Variants in USP12 observed in about 807,000 individuals in gnomAD.
USP12 encodes ubiquitin carboxyl-terminal hydrolase 12.
USP12 carries 19 observed loss-of-function variants against 45.5 expected under a neutral mutation model. That is an observed-to-expected ratio of 0.42 (90% confidence interval 0.29 to 0.61). USP12 has a LOEUF of 0.61. USP12 is among the 20% of genes least tolerant of loss of function. The pLI is 0.22. For synonymous variants in USP12, 149 were observed against 148.8 expected, an observed-to-expected ratio of 1.00 and a Z score of -0.01; for missense variants, 242 against 447.7, an observed-to-expected ratio of 0.54 and a Z score of 4.15.
At chr13:27,138,395 T>G (rs961357361) in intron 1 of USP12, among the ~76,000 whole-genome samples, 1 of 152,160 alleles carries the variant, frequency 6.6e-6, no homozygotes, top group Non-Finnish European at 1.5e-5. Flanking sequence ...GATGGTAAAT[T>G]TATGAACAGA....
rs1872996450 is a variant in USP12, at chr13:27,066,443, A to C, written c.*2840T>G. 1 of 152,210 alleles carries C rather than the reference A, an allele frequency of 6.6e-6. No homozygotes were observed. The highest frequency in any genetic ancestry group is 1.5e-5 in the Non-Finnish European group (1 of 68,054). 9.4% of individuals were successfully genotyped at this position (152,210 alleles called of 1,614,324 possible). A position where few individuals can be genotyped will look rare whatever the true frequency, so the allele number is the denominator to read the frequency against. ...AATCTTTAATAAAAAGTGTTTTTAA[A>C]GAAAGTATCAAGAGTAGTTATGTTA... On this transcript the variant is annotated 3_prime_UTR_variant, in exon 9 of 9. Coordinates refer to ENST00000282344, the MANE Select transcript of USP12 (RefSeq NM_182488.4).
intron 1 of USP12, among the ~76,000 whole-genome samples, chr13:27,158,257 A>G (rs1877928803): frequency 6.6e-6 from 1 of 152,166 alleles, no homozygotes; most frequent in Non-Finnish European, 1.5e-5. Flanking sequence ...TGCCATGTGA[A>G]AAGATTGGAA....
intron 6 of USP12, among the ~76,000 whole-genome samples, chr13:27,084,206 ACACACACACAC>A (rs1873899141): frequency 6.6e-6 from 1 of 151,020 alleles, no homozygotes; most frequent in East Asian, 2.0e-4. Flanking sequence ...ACACACACAC[ACACACACACAC>A]AAATTCCTGT....
chr13:27,082,961 G>A (rs982287213), intron 6 of USP12, among the ~76,000 whole-genome samples: 14 of 152,104 alleles, frequency 9.2e-5, no homozygotes, highest in African/African-American at 9.7e-5. Flanking sequence ...TCAGCCTCCC[G>A]AGTTGCTGGG....
At chr13:27,139,591 G>A (rs980662477) in intron 1 of USP12, among the ~76,000 whole-genome samples, 1 of 152,132 alleles carries the variant, frequency 6.6e-6, no homozygotes, top group Non-Finnish European at 1.5e-5. Flanking sequence ...ACTCCAGCCT[G>A]GGAGAAAGAG....
intron 7 of USP12, among the ~76,000 whole-genome samples, chr13:27,073,259 G>C (rs886160678): frequency 6.6e-6 from 1 of 152,200 alleles, no homozygotes; most frequent in African/African-American, 2.4e-5. Context: ...ACTCCATCAG[G>C]AGAGAGTTCC....
chr13:27,119,060 T>C (rs535947), intron 1 of USP12, among the ~76,000 whole-genome samples: 15,353 of 152,242 alleles, frequency 0.1, 1,305 homozygotes, highest in African/African-American at 0.23. Context: ...AACAGAATTT[T>C]AACTTTTCTA....
chr13:27,133,885 C>G (rs2137813506), intron 1 of USP12, among the ~76,000 whole-genome samples: 1 of 152,144 alleles, frequency 6.6e-6, no homozygotes, highest in East Asian at 1.9e-4. Flanking sequence ...TAATCCCAAC[C>G]CTTTGGGAGG....
chr13:27,171,615 T>A lies in USP12; in HGVS notation c.25A>T (p.Lys9Ter). 7.7e-7 allele frequency: 1 copy of A among 1,297,232 alleles called. No individual in the cohort carries two copies. Among genetic ancestry groups the A allele is most frequent in the Non-Finnish European group, 1.0e-6 (1 of 990,526 alleles). 80.4% of individuals were successfully genotyped at this position (1,297,232 alleles called of 1,614,324 possible). Residue 9 changes from lysine (K) to a stop codon, truncating the protein, a stop_gained, in exon 1 of 9, where the codon AAA becomes TAA. Coordinates refer to ENST00000282344, the MANE Select transcript of USP12 (RefSeq NM_182488.4). LOFTEE classifies it high-confidence loss of function. MEILMTVS[K>*]FASICTMGAN... The stretch of plus-strand genomic sequence containing the variant: ...ACCATGGTACAGATGGAGGCGAATT[T>A]GGAGACTGTCATTAGGATTTCCATC...
At chr13:27,070,949 A>AATTG (rs1873221980) in intron 8 of USP12, 122 bp downstream of exon 8, 1 of 802,974 alleles carries the variant, frequency 1.2e-6, no homozygotes, top group Non-Finnish European at 1.9e-6. Flanking sequence ...ACTACAATCT[A>AATTG]TAGACCCAGA....
Position 27,163,745 on chromosome 13 carries a change from G to A in USP12, c.48+7847C>T, listed in dbSNP as rs564718967. Among the ~76,000 whole-genome samples, 21 of 130,198 alleles carry A rather than the reference G, an allele frequency of 1.6e-4. No homozygotes were observed. In the Admixed American group the frequency reaches 1.8e-3, roughly 11 times the overall value. The allele number at this position is 130,198 out of a possible 152,430, so 85.4% of individuals were successfully genotyped here. On this transcript the variant is annotated intron_variant, in intron 1 of 8. Coordinates refer to ENST00000282344, the MANE Select transcript of USP12 (RefSeq NM_182488.4). Reference sequence around the variant, plus strand: ...ATGGTTTAAATGTAGGAGACAGCCTGAGCAATAGAGCAAGACCTGTCTTAA... The same window carrying A: ...ATGGTTTAAATGTAGGAGACAGCCTAAGCAATAGAGCAAGACCTGTCTTAA...
At chr13:27,115,058 T>G (rs7997088) in intron 2 of USP12, among the ~76,000 whole-genome samples, 1 of 152,210 alleles carries the variant, frequency 6.6e-6, no homozygotes, top group Admixed American at 6.5e-5. Flanking sequence ...CCTTTAATAG[T>G]TGGAGCTGTG....
At position 27,156,579 on chromosome 13, in the gene USP12, A is replaced by G. The variant is rs1877853621; in HGVS notation, c.48+15013T>C. ...ACGCCTGTAATCCCAGCACTTTGGG[A>G]AGCCAAGACAGGCGGATCACCTGAG... On this transcript the variant is annotated intron_variant, in intron 1 of 8. Coordinates refer to ENST00000282344, the MANE Select transcript of USP12 (RefSeq NM_182488.4). 2.6e-5 allele frequency among the ~76,000 whole-genome samples: 4 copies of G among 152,354 alleles called. 1 individual carries two copies. The highest frequency in any genetic ancestry group is 3.4e-3 in the Middle Eastern group (1 of 294).
chr13:27,099,808 G>C (rs1279396952), intron 3 of USP12, among the ~76,000 whole-genome samples: 2 of 152,140 alleles, frequency 1.3e-5, no homozygotes, highest in Non-Finnish European at 2.9e-5. Flanking sequence ...TCACTTCTCT[G>C]CTGTAAGTTT....
intron 6 of USP12, among the ~76,000 whole-genome samples, chr13:27,085,182 T>A (rs2137764889): frequency 6.6e-6 from 1 of 150,724 alleles, no homozygotes; most frequent in East Asian, 1.9e-4. Flanking sequence ...CTTTCTTTCT[T>A]TTTTTTTTGA....
chr13:27,125,863 A>C (rs1048888173), intron 1 of USP12, among the ~76,000 whole-genome samples: 1 of 152,196 alleles, frequency 6.6e-6, no homozygotes, highest in Non-Finnish European at 1.5e-5. Flanking sequence ...CTAGCACAGC[A>C]GTTTGAGATT....
At chr13:27,158,076 T>A (rs768828938) in intron 1 of USP12, among the ~76,000 whole-genome samples, 4 of 152,208 alleles carry the variant, frequency 2.6e-5, no homozygotes, top group Non-Finnish European at 5.9e-5. Flanking sequence ...TAAGCCCCAA[T>A]ATCTCAGAAT....
At position 27,069,522 on chromosome 13, in the gene USP12, A is replaced by C. The variant is rs980984679; in HGVS notation, c.1012-138T>G. 6.1e-6 allele frequency: 4 copies of C among 658,228 alleles called. No homozygotes were observed. In the African/African-American group the frequency reaches 7.3e-5, roughly 12 times the overall value. The allele number at this position is 658,228 out of a possible 1,614,324, so 40.8% of individuals were successfully genotyped here. A position where few individuals can be genotyped will look rare whatever the true frequency, so the allele number is the denominator to read the frequency against. Reference sequence around the variant, plus strand: ...AACTCTCACACACAGCTGGCAGGGCACACCAAAAAAATGTTTATAAATACC... The same window carrying C: ...AACTCTCACACACAGCTGGCAGGGCCCACCAAAAAAATGTTTATAAATACC... On this transcript the variant is annotated intron_variant, in intron 8 of 8. Coordinates refer to ENST00000282344, the MANE Select transcript of USP12 (RefSeq NM_182488.4).
intron 3 of USP12, among the ~76,000 whole-genome samples, chr13:27,100,292 G>A (rs1370515360): frequency 6.6e-6 from 1 of 151,946 alleles, no homozygotes; most frequent in African/African-American, 2.4e-5. Context: ...TTTGCTTATT[G>A]CACCTTATTT....
Sources: allele counts gnomAD v4.1 joint callset (sites outside exome capture counted in the v4.1 genomes callset), GRCh38; gene constraint gnomAD v4.1.1; transcripts MANE v1.5; gene names NCBI Gene and HGNC (gene_info 2026-07-23, HGNC 2026-07-21).